FANCC: variants seen among roughly 807,000 people sequenced by gnomAD.
FANCC encodes the protein Fanconi anemia group C protein.
A neutral mutation model predicts 71.3 loss-of-function variants in FANCC; 55 were observed. That is an observed-to-expected ratio of 0.77 (90% confidence interval 0.62 to 0.97). The LOEUF (loss-of-function observed/expected upper bound fraction) is 0.97, where lower values mean the gene tolerates loss of function less well. Ranked by LOEUF, FANCC falls within the 50% of genes least tolerant of loss-of-function variation. FANCC has a pLI of 0.00. For missense variants in FANCC, 678 were observed against 670.9 expected, an observed-to-expected ratio of 1.01 and a Z score of -0.12; for synonymous variants, 275 against 244.9, an observed-to-expected ratio of 1.12 and a Z score of -1.15.
At chr9:95,251,418 C>T (rs959143664) in intron 1 of FANCC, among the ~76,000 whole-genome samples, 3 of 152,040 alleles carry the variant, frequency 2.0e-5, no homozygotes, top group Non-Finnish European at 2.9e-5. Context: ...TGGGTTCAAG[C>T]GACTCTCCTG....
chr9:95,283,960 T>C (rs936123109), intron 1 of FANCC, among the ~76,000 whole-genome samples: 1 of 152,200 alleles, frequency 6.6e-6, no homozygotes, highest in South Asian at 2.1e-4. Flanking sequence ...ATCTGTAAAA[T>C]GGGAAAAACC....
rs1554846363 is a variant in FANCC, at chr9:95,189,528, C to CG, written c.346-17382dup. ...CTCTTGCTTGCTCGCTCATTAGTTC[C>CG]GGGGGGGGAAATAGAGTAGGCTTCC... On this transcript the variant is annotated intron_variant, in intron 4 of 14. Coordinates refer to ENST00000289081, the MANE Select transcript of FANCC (RefSeq NM_000136.3). Among the ~76,000 whole-genome samples, 152 of 151,664 alleles carry CG rather than the reference C, an allele frequency of 1.0e-3. 1 individual carries two copies. Among genetic ancestry groups the CG allele is most frequent in the Middle Eastern group, 6.8e-3 (2 of 294 alleles).
At position 95,101,795 on chromosome 9, in the gene FANCC, A is replaced by G. The variant is rs766809608; in HGVS notation, c.1589T>C (p.Leu530Ser). 17 of 1,613,996 alleles carry G rather than the reference A, an allele frequency of 1.1e-5. No individual in the cohort carries two copies. In the Admixed American group the frequency reaches 1.7e-4, roughly 16 times the overall value. The change falls in exon 15 of 15, where the codon TTG (leucine) becomes TCG (serine). Residue 530 changes from leucine to serine, a missense_variant. By Grantham distance (145) the Leu-to-Ser change is moderately radical. Transcript: ENST00000289081. ...HEIIGFLDQT[L>S]YRWNRLGIES... ...AATGCCAAGACGATTCCATCTGTAC[A>G]AGGTCTGGTCAAGAAAGCCAATGAT... is the stretch of plus-strand genomic sequence containing the variant.
rs1241328640 is a variant in FANCC at position 95,240,813 on chromosome 9, T to C, written c.251-70A>G. 16 of 891,556 alleles carry C rather than the reference T, an allele frequency of 1.8e-5. No individual in the cohort carries two copies. The Admixed American group carries it at 3.0e-4, about 17-fold the overall frequency. 55.2% of individuals were successfully genotyped at this position (891,556 alleles called of 1,614,324 possible). On this transcript the variant is annotated intron_variant, in intron 3 of 14. Transcript: ENST00000289081. ...CATTAATATAAAAACACTGTAAACA[T>C]TATATTTAGGAAAATCTCAAACTAC...
intron 6 of FANCC, among the ~76,000 whole-genome samples, chr9:95,164,791 T>G (rs1830968548): frequency 6.6e-6 from 1 of 152,168 alleles, no homozygotes; most frequent in Admixed American, 6.5e-5. Flanking sequence ...GGGTAATGCT[T>G]GCTCACAAAA....
At chr9:95,174,978 C>T (rs917825241) in intron 4 of FANCC, among the ~76,000 whole-genome samples, 1 of 152,294 alleles carries the variant, frequency 6.6e-6, no homozygotes, top group East Asian at 1.9e-4. Context: ...AACCTTCAAG[C>T]TTAATCAGTA....
chr9:95,164,681 C>T (rs369338352), intron 6 of FANCC, among the ~76,000 whole-genome samples: 1 of 152,060 alleles, frequency 6.6e-6, no homozygotes, highest in Non-Finnish European at 1.5e-5. Flanking sequence ...ATCTTTTTAA[C>T]GTATTGTTGA....
chr9:95,154,012 G>A (rs1324881339), intron 6 of FANCC, among the ~76,000 whole-genome samples: 4 of 152,140 alleles, frequency 2.6e-5, no homozygotes, highest in South Asian at 4.1e-4. Flanking sequence ...TTGGGAGGCC[G>A]AGGAGGGCAG....
intron 1 of FANCC, among the ~76,000 whole-genome samples, chr9:95,289,873 G>C (rs1000500740): frequency 3.9e-5 from 6 of 151,934 alleles, no homozygotes; most frequent in Non-Finnish European, 5.9e-5. Context: ...TGCCCAGGCT[G>C]GTCTCAAACT....
intron 6 of FANCC, among the ~76,000 whole-genome samples, chr9:95,153,335 A>C (rs1372065683): frequency 6.6e-6 from 1 of 151,890 alleles, no homozygotes. Context: ...TTTTTTTTAT[A>C]TAAAGACATC....
chr9:95,291,998 A>AC (rs1188997355), intron 1 of FANCC, among the ~76,000 whole-genome samples: 1 of 139,302 alleles, frequency 7.2e-6, no homozygotes, highest in Non-Finnish European at 1.5e-5. Flanking sequence ...ATATATTAAG[A>AC]CCCCAAAGAG....
intron 4 of FANCC, among the ~76,000 whole-genome samples, chr9:95,189,134 A>G (rs1826922069): frequency 6.6e-6 from 1 of 152,214 alleles, no homozygotes; most frequent in Non-Finnish European, 1.5e-5. Context: ...TCCACAGCCA[A>G]AACAAATTAC....
At chr9:95,232,974 C>T (rs1165951324) in intron 4 of FANCC, among the ~76,000 whole-genome samples, 1 of 152,152 alleles carries the variant, frequency 6.6e-6, no homozygotes, top group East Asian at 1.9e-4. Context: ...CTTGACGGGG[C>T]TCATCTTGAC....
chr9:95,212,861 C>T (rs1828593698), intron 4 of FANCC, among the ~76,000 whole-genome samples: 1 of 152,106 alleles, frequency 6.6e-6, no homozygotes, highest in African/African-American at 2.4e-5. Context: ...ATAGTATACA[C>T]ATATGTTATG....
chr9:95,216,165 A>G (rs1021888385), intron 4 of FANCC, among the ~76,000 whole-genome samples: 1 of 152,258 alleles, frequency 6.6e-6, no homozygotes, highest in African/African-American at 2.4e-5. Context: ...AACAGTAATC[A>G]AAAGAAAACT....
chr9:95,122,585 G>C (rs777034614), intron 10 of FANCC, among the ~76,000 whole-genome samples: 2 of 152,182 alleles, frequency 1.3e-5, no homozygotes, highest in Non-Finnish European at 2.9e-5. Context: ...GTGGTCCCAC[G>C]TCCTTAGATA....
chr9:95,123,371 G>A (rs1360740469), intron 10 of FANCC: 1 of 398,480 alleles, frequency 2.5e-6, no homozygotes, highest in Non-Finnish European at 4.9e-6. Flanking sequence ...TGGGTGTGGT[G>A]GCTCACACCT....
At chr9:95,252,274 CAAAAAAAAAAAAAAA>C (rs71366284) in intron 1 of FANCC, among the ~76,000 whole-genome samples, 4 of 50,158 alleles carry the variant, frequency 8.0e-5, no homozygotes, top group Admixed American at 5.7e-4. Context: ...GAGACTGATT[CAAAAAAAAAAAAAAA>C]AAAAAGAAAA....
chr9:95,294,983 T>G (rs1360108084), intron 1 of FANCC, among the ~76,000 whole-genome samples: 1 of 152,164 alleles, frequency 6.6e-6, no homozygotes, highest in Non-Finnish European at 1.5e-5. Flanking sequence ...TGTATAAATG[T>G]GAGTGTATTA....
Sources: gnomAD v4.1 joint callset for allele counts (sites outside exome capture counted in the v4.1 genomes callset) on GRCh38, gnomAD v4.1.1 for gene constraint, MANE v1.5 for transcripts, NCBI Gene and HGNC (gene_info 2026-07-23, HGNC 2026-07-21) for gene names.